Variants in SPMIP4 observed in about 807,000 individuals in gnomAD.
SPMIP4 encodes sperm microtubule inner protein 4, also known as sperm-associated microtubule inner protein 4.
At chr7:25,141,267 G>A in the SPMIP4 span, among the ~76,000 whole-genome samples, 2 of 152,090 alleles carry the variant, frequency 1.3e-5, no homozygotes, top group Admixed American at 1.3e-4. Flanking sequence ...CAATGGTAAT[G>A]TACAAGATAT....
the SPMIP4 span, among the ~76,000 whole-genome samples, chr7:25,129,989 A>G: frequency 1.4e-3 from 214 of 151,974 alleles, no homozygotes; most frequent in African/African-American, 4.6e-3. Flanking sequence ...TGTAATCCCA[A>G]CACTTTGGGA....
the SPMIP4 span, chr7:25,161,223 T>C: frequency 6.4e-7 from 1 of 1,567,892 alleles, no homozygotes; most frequent in Non-Finnish European, 8.7e-7. Context: ...CTTTTTTTGT[T>C]CTGGGTCAAA....
the SPMIP4 span, among the ~76,000 whole-genome samples, chr7:25,174,143 G>A: frequency 6.6e-6 from 1 of 151,884 alleles, no homozygotes. This position sits in a 1 kb window ranked among gnomAD's most constrained non-coding sequence, Gnocchi z 4.5. Flanking sequence ...TCCAAATGAG[G>A]GCTATGTTTT....
chr7:25,174,398 AC>A, the SPMIP4 span, among the ~76,000 whole-genome samples: 2 of 152,086 alleles, frequency 1.3e-5, no homozygotes, highest in African/African-American at 4.8e-5. This position sits in a 1 kb window ranked among gnomAD's most constrained non-coding sequence, Gnocchi z 4.5. Flanking sequence ...AAAATTGTTT[AC>A]TTGTTTTTGA....
At chr7:25,137,267 A>G in the SPMIP4 span, among the ~76,000 whole-genome samples, 5 of 143,880 alleles carry the variant, frequency 3.5e-5, no homozygotes, top group African/African-American at 1.3e-4. Context: ...TGTGGGTCAG[A>G]AGGCCTGTAG....
chr7:25,135,782 A>G, the SPMIP4 span: 3 of 1,286,852 alleles, frequency 2.3e-6, no homozygotes, highest in African/African-American at 1.5e-5. Flanking sequence ...AAACTTTTCA[A>G]GAAGTCATAA....
the SPMIP4 span, among the ~76,000 whole-genome samples, chr7:25,160,000 A>G: frequency 2.0e-5 from 3 of 149,834 alleles, no homozygotes; most frequent in Non-Finnish European, 4.4e-5. Context: ...AAAAAAAAAA[A>G]TAAATTTAAA....
At chr7:25,168,584 C>T in the SPMIP4 span, 1 of 834,098 alleles carries the variant, frequency 1.2e-6, no homozygotes, top group Non-Finnish European at 1.8e-6. Flanking sequence ...ATCTTCAGAA[C>T]ACAGAATTCT....
At chr7:25,173,150 A>AG in the SPMIP4 span, among the ~76,000 whole-genome samples, 7 of 151,982 alleles carry the variant, frequency 4.6e-5, no homozygotes, top group Non-Finnish European at 1.5e-5. This position sits in a 1 kb window ranked among gnomAD's most constrained non-coding sequence, Gnocchi z 4.4. Flanking sequence ...GGAAAGAGAA[A>AG]GAGGTATGGA....
chr7:25,169,580 G>GT, the SPMIP4 span, among the ~76,000 whole-genome samples: 1 of 151,782 alleles, frequency 6.6e-6, no homozygotes, highest in African/African-American at 2.4e-5. Context: ...TTATTTATTT[G>GT]TTTTTTTGAG....
chr7:25,134,910 C>T, the SPMIP4 span: 1 of 985,284 alleles, frequency 1.0e-6, no homozygotes, highest in Admixed American at 6.2e-5. Context: ...TAAACTTTTA[C>T]TTCCTGTCAT....
the SPMIP4 span, among the ~76,000 whole-genome samples, chr7:25,172,192 C>T: frequency 6.6e-6 from 1 of 152,126 alleles, no homozygotes; most frequent in African/African-American, 2.4e-5. The surrounding 1 kb of genome is among the most constrained non-coding windows in gnomAD (Gnocchi z 4.2). Context: ...TCTGTTAAGC[C>T]CCTTGCAGAC....
chr7:25,150,459 G>A, the SPMIP4 span, among the ~76,000 whole-genome samples: 2 of 152,118 alleles, frequency 1.3e-5, no homozygotes, highest in African/African-American at 4.8e-5. Context: ...CTGTGACATG[G>A]CGATGACCAC....
the SPMIP4 span, among the ~76,000 whole-genome samples, chr7:25,174,939 C>CA: frequency 6.6e-6 from 1 of 152,060 alleles, no homozygotes; most frequent in Non-Finnish European, 1.5e-5. The surrounding 1 kb of genome is among the most constrained non-coding windows in gnomAD (Gnocchi z 4.5). Flanking sequence ...ATAATTGTCC[C>CA]AAAAAATCCA....
At chr7:25,160,331 T>A in the SPMIP4 span, among the ~76,000 whole-genome samples, 3 of 152,338 alleles carry the variant, frequency 2.0e-5, no homozygotes, top group African/African-American at 7.2e-5. Flanking sequence ...GGAGTTTTGC[T>A]CTTGTCGCCC....
chr7:25,139,226 G>A, the SPMIP4 span, among the ~76,000 whole-genome samples: 2 of 152,074 alleles, frequency 1.3e-5, no homozygotes, highest in South Asian at 4.1e-4. Flanking sequence ...ATGTTTAGGA[G>A]TGAAGTATAC....
chr7:25,137,301 C>CTTTTTTTTT, the SPMIP4 span, among the ~76,000 whole-genome samples: 2 of 127,094 alleles, frequency 1.6e-5, no homozygotes, highest in East Asian at 4.5e-4. Context: ...GCTGAATTTT[C>CTTTTTTTTT]TTTTTTTTTT....
the SPMIP4 span, among the ~76,000 whole-genome samples, chr7:25,144,033 T>A: frequency 6.6e-6 from 1 of 152,174 alleles, no homozygotes; most frequent in Non-Finnish European, 1.5e-5. Context: ...GGGCCTTGAA[T>A]GATGTGCAGA....
At chr7:25,129,481 A>T in the SPMIP4 span, among the ~76,000 whole-genome samples, 1 of 152,136 alleles carries the variant, frequency 6.6e-6, no homozygotes, top group African/African-American at 2.4e-5. Context: ...CTGATTCTCT[A>T]TGCCATGTGG....
Sources: gnomAD v4.1 joint callset for allele counts (sites outside exome capture counted in the v4.1 genomes callset) on GRCh38, gnomAD v4.1.1 for gene constraint, Gnocchi (gnomAD v3.1) non-coding constraint, MANE v1.5 for transcripts, NCBI Gene and HGNC (gene_info 2026-07-23, HGNC 2026-07-21) for gene names.